The following THSD7B variants were observed in gnomAD, a reference collection of about 807,000 sequenced individuals.
THSD7B encodes the protein thrombospondin type 1 domain containing 7B.
A neutral mutation model predicts 213.6 loss-of-function variants in THSD7B; 138 were observed. That is an observed-to-expected ratio of 0.65 (90% CI 0.56 to 0.74). THSD7B has a LOEUF of 0.74. Ranked by LOEUF, THSD7B falls within the 30% of genes least tolerant of loss-of-function variation. THSD7B has a pLI of 0.00. For missense variants in THSD7B, 1,931 were observed against 1,991.5 expected, an observed-to-expected ratio of 0.97 and a Z score of 0.58; for synonymous variants, 742 against 687.0, an observed-to-expected ratio of 1.08 and a Z score of -1.25.
intron 2 of THSD7B, among the ~76,000 whole-genome samples, chr2:137,021,334 G>C (rs1298396961): frequency 6.6e-6 from 1 of 152,162 alleles, no homozygotes; most frequent in Non-Finnish European, 1.5e-5. Context: ...TAAATGTAAG[G>C]AGTATAAGTG....
chr2:137,455,299 T>C (rs775099068), intron 15 of THSD7B, among the ~76,000 whole-genome samples: 2 of 152,196 alleles, frequency 1.3e-5, no homozygotes, highest in Non-Finnish European at 2.9e-5. Flanking sequence ...TATGCTGTGA[T>C]TTGTCATTAG....
At chr2:137,348,932 C>G (rs528587044) in intron 12 of THSD7B, among the ~76,000 whole-genome samples, 14 of 151,476 alleles carry the variant, frequency 9.2e-5, no homozygotes, top group Middle Eastern at 3.4e-3. Flanking sequence ...AACTGATACT[C>G]TAAAAGTAAA....
chr2:136,773,232 G>A (rs944218581), intron 1 of THSD7B, among the ~76,000 whole-genome samples: 5 of 152,012 alleles, frequency 3.3e-5, no homozygotes, highest in African/African-American at 1.2e-4. Context: ...TGTGCCAGAC[G>A]CTACTCTACG....
At chr2:137,221,251 C>A (rs1681363729) in intron 7 of THSD7B, among the ~76,000 whole-genome samples, 1 of 152,112 alleles carries the variant, frequency 6.6e-6, no homozygotes, top group African/African-American at 2.4e-5. Context: ...TGCGCCACTG[C>A]ACTCCAGCCT....
chr2:136,789,502 C>T (rs1317005368), intron 1 of THSD7B, among the ~76,000 whole-genome samples: 1 of 151,960 alleles, frequency 6.6e-6, no homozygotes, highest in Admixed American at 6.6e-5. Context: ...TCGAATTATT[C>T]TTTTCTAGCT....
chr2:136,799,962 C>T (rs114974885), intron 1 of THSD7B, among the ~76,000 whole-genome samples: 2,464 of 151,932 alleles, frequency 0.016, 62 homozygotes, highest in African/African-American at 0.057. Flanking sequence ...TATCCTGGTA[C>T]TACAGTAATT....
intron 15 of THSD7B, among the ~76,000 whole-genome samples, chr2:137,549,648 T>C (rs1680808256): frequency 6.6e-6 from 1 of 152,090 alleles, no homozygotes; most frequent in Non-Finnish European, 1.5e-5. Flanking sequence ...TAATCTTGCA[T>C]AACTGAAGTT....
At chr2:137,305,312 G>T (rs930782351) in intron 12 of THSD7B, among the ~76,000 whole-genome samples, 1 of 152,046 alleles carries the variant, frequency 6.6e-6, no homozygotes, top group Admixed American at 6.6e-5. Flanking sequence ...TTACACAGTT[G>T]CTGGAACTGG....
chr2:137,659,585 A>C (rs1282724474), intron 24 of THSD7B, 79 bp from the exon 25 acceptor site: 1 of 1,331,648 alleles, frequency 7.5e-7, no homozygotes, highest in African/African-American at 1.5e-5. Flanking sequence ...GGCCGGTGGC[A>C]CAGGTTAAAA....
chr2:136,806,981 G>C (rs572022314), intron 1 of THSD7B, among the ~76,000 whole-genome samples: 2 of 152,148 alleles, frequency 1.3e-5, no homozygotes, highest in Non-Finnish European at 2.9e-5. Context: ...TGGGGTTTTT[G>C]GGGGGAAGAC....
intron 14 of THSD7B, among the ~76,000 whole-genome samples, chr2:137,425,090 A>G (rs910755993): frequency 6.3e-5 from 7 of 111,220 alleles, no homozygotes; most frequent in Non-Finnish European, 7.6e-5. Context: ...TAATAATAAT[A>G]ATAATAATGA....
intron 21 of THSD7B, among the ~76,000 whole-genome samples, chr2:137,643,045 AATCTTGCAT>A (rs373652275): frequency 6.6e-6 from 1 of 152,340 alleles, no homozygotes; most frequent in East Asian, 1.9e-4. Flanking sequence ...GGTTAGACAA[AATCTTGCAT>A]ATGAGCAGAA....
At chr2:137,625,321 G>C (rs1682601837) in intron 20 of THSD7B, among the ~76,000 whole-genome samples, 1 of 108,428 alleles carries the variant, frequency 9.2e-6, no homozygotes, top group Non-Finnish European at 1.7e-5. Flanking sequence ...ACTGGGACCT[G>C]TCATGGGGTG....
At chr2:137,415,664 G>GTTTTTTT (rs10563702) in intron 14 of THSD7B, among the ~76,000 whole-genome samples, 1 of 80,102 alleles carries the variant, frequency 1.2e-5, no homozygotes, top group Admixed American at 1.8e-4. Context: ...TTATATCAGT[G>GTTTTTTT]TTTTTTTTTT....
rs576750384 is a variant in THSD7B at position 137,425,060 on chromosome 2, A to C, written c.2959+13188A>C. Among the ~76,000 whole-genome samples, 3 of 144,514 alleles carry C rather than the reference A, an allele frequency of 2.1e-5. No individual in the cohort carries two copies. The South Asian group carries it at 6.9e-4, about 33-fold the overall frequency. 94.8% of individuals were successfully genotyped at this position (144,514 alleles called of 152,430 possible). ...GCACTCCAGCCTGGGCGACAGAGCA[A>C]GACTCTGTCTCAAAAATAATAATAA... On this transcript the variant is annotated intron_variant, in intron 14 of 27. Coordinates refer to ENST00000409968, the MANE Select transcript of THSD7B (RefSeq NM_001316349.2).
At chr2:136,957,510 G>A (rs1247181136) in intron 2 of THSD7B, among the ~76,000 whole-genome samples, 3 of 150,882 alleles carry the variant, frequency 2.0e-5, no homozygotes, top group Non-Finnish European at 4.4e-5. Context: ...ACTAGTACCA[G>A]AAAGAGTCCC....
At chr2:137,441,425 CTTAAT>C (rs982109391) in intron 14 of THSD7B, among the ~76,000 whole-genome samples, 6 of 152,134 alleles carry the variant, frequency 3.9e-5, no homozygotes, top group African/African-American at 1.4e-4. Context: ...TCATTGTCTT[CTTAAT>C]TTAATTTGTG....
chr2:137,531,893 C>A (rs1408615557), intron 15 of THSD7B, among the ~76,000 whole-genome samples: 2 of 151,902 alleles, frequency 1.3e-5, no homozygotes, highest in Non-Finnish European at 2.9e-5. Flanking sequence ...GTATTTTGCT[C>A]ACAGAATATC....
chr2:137,670,188 C>T (rs897685282), intron 27 of THSD7B, among the ~76,000 whole-genome samples: 4 of 151,946 alleles, frequency 2.6e-5, no homozygotes, highest in East Asian at 1.9e-4. Context: ...GTGGAAGTAG[C>T]GCTCATATTT....
Sources: gnomAD v4.1 joint callset for allele counts (sites outside exome capture counted in the v4.1 genomes callset) on GRCh38, gnomAD v4.1.1 for gene constraint, MANE v1.5 for transcripts, NCBI Gene and HGNC (gene_info 2026-07-23, HGNC 2026-07-21) for gene names.